Variants in MEOX2 observed in about 807,000 individuals in gnomAD.
The protein encoded by MEOX2 is homeobox protein MOX-2.
A neutral mutation model predicts 27.0 loss-of-function variants in MEOX2; 11 were observed. The ratio of observed to expected loss-of-function variants is 0.41; its 90% CI spans 0.26 to 0.68. The LOEUF (loss-of-function observed/expected upper bound fraction) is 0.68. Ranked by LOEUF, MEOX2 falls within the 30% of genes least tolerant of loss-of-function variation. The pLI is 0.33. For synonymous variants in MEOX2, 189 were observed against 155.4 expected (o/e 1.22, Z -1.61); for missense variants, 436 against 385.4 (o/e 1.13, Z -1.10).
At chr7:15,645,693 G>A (rs2115373618) in intron 1 of MEOX2, among the ~76,000 whole-genome samples, 1 of 152,264 alleles carries the variant, frequency 6.6e-6, no homozygotes, top group Admixed American at 6.5e-5. Context: ...CATTTCTCAA[G>A]TGGTATCTTG....
At chr7:15,661,914 A>G (rs1326750724) in intron 1 of MEOX2, among the ~76,000 whole-genome samples, 1 of 152,224 alleles carries the variant, frequency 6.6e-6, no homozygotes, top group Non-Finnish European at 1.5e-5. Flanking sequence ...ACATACTGTA[A>G]AATTGCATTA....
At chr7:15,650,501 G>A (rs560762446) in intron 1 of MEOX2, among the ~76,000 whole-genome samples, 117 of 151,886 alleles carry the variant, frequency 7.7e-4, no homozygotes, top group Non-Finnish European at 1.4e-3. Context: ...TGTTTCATAC[G>A]TGCAAATAAT....
intron 1 of MEOX2, among the ~76,000 whole-genome samples, chr7:15,630,316 C>T (rs1263847515): frequency 2.0e-5 from 3 of 152,034 alleles, no homozygotes; most frequent in Non-Finnish European, 4.4e-5. Flanking sequence ...TAGAACTTCT[C>T]CACATGTGAC....
At chr7:15,620,376 G>C (rs1042126196) in intron 2 of MEOX2, among the ~76,000 whole-genome samples, 6 of 152,244 alleles carry the variant, frequency 3.9e-5, no homozygotes, top group African/African-American at 1.4e-4. Flanking sequence ...TACATTTGTA[G>C]AAATAAAACT....
chr7:15,654,435 C>A (rs1426817142), intron 1 of MEOX2, among the ~76,000 whole-genome samples: 1 of 151,418 alleles, frequency 6.6e-6, no homozygotes, highest in Non-Finnish European at 1.5e-5. Flanking sequence ...ATTGGCTATA[C>A]CTTTCAGTCT....
At chr7:15,636,474 G>C (rs571277177) in intron 1 of MEOX2, among the ~76,000 whole-genome samples, 1 of 152,166 alleles carries the variant, frequency 6.6e-6, no homozygotes, top group African/African-American at 2.4e-5. Context: ...GACTGCGCTA[G>C]TGAAGTTAAA....
intron 1 of MEOX2, among the ~76,000 whole-genome samples, chr7:15,640,280 G>A (rs1781540026): frequency 6.6e-6 from 1 of 151,356 alleles, no homozygotes; most frequent in South Asian, 2.1e-4. Context: ...GTGTGTGTGT[G>A]TTTCTGGCTA....
rs951566021 is a variant in MEOX2 at position 15,669,948 on chromosome 7, G to A, written c.517+15938C>T. ...TGGAAAATCTAGCCTAGTTCCTGGC[G>A]TGTTCCCCATCCTTTCCCAGAAAAA... On this transcript the variant is annotated intron_variant, in intron 1 of 2. Coordinates refer to ENST00000262041, the MANE Select transcript of MEOX2 (RefSeq NM_005924.5). 7.9e-5 allele frequency among the ~76,000 whole-genome samples: 12 copies of A among 152,206 alleles called. No homozygotes were observed. The South Asian group carries it at 1.0e-3, about 13-fold the overall frequency.
intron 1 of MEOX2, among the ~76,000 whole-genome samples, chr7:15,645,794 A>C (rs1172014311): frequency 6.6e-6 from 1 of 152,186 alleles, no homozygotes; most frequent in East Asian, 1.9e-4. Flanking sequence ...AATAGTAAAC[A>C]GAAGGGAAAT....
intron 1 of MEOX2, among the ~76,000 whole-genome samples, chr7:15,675,688 AT>A (rs1782182060): frequency 6.6e-6 from 1 of 152,184 alleles, no homozygotes; most frequent in Non-Finnish European, 1.5e-5. Flanking sequence ...GATTCTAATC[AT>A]CTGTTTAAAT....
intron 1 of MEOX2, among the ~76,000 whole-genome samples, chr7:15,645,174 T>G (rs557982004): frequency 6.6e-6 from 1 of 152,266 alleles, no homozygotes; most frequent in East Asian, 1.9e-4. Context: ...AATATTTTTC[T>G]GATTCATTAA....
At chr7:15,643,846 C>A (rs1243704901) in intron 1 of MEOX2, among the ~76,000 whole-genome samples, 3 of 152,164 alleles carry the variant, frequency 2.0e-5, no homozygotes, top group Non-Finnish European at 4.4e-5. Context: ...GTGCTTGTGT[C>A]CTGGGGCACT....
At chr7:15,613,406 G>A (rs183390005) in intron 2 of MEOX2, among the ~76,000 whole-genome samples, 68 of 146,414 alleles carry the variant, frequency 4.6e-4, no homozygotes, top group African/African-American at 1.7e-3. Context: ...AAAAAAAACA[G>A]CAAACAGACA....
chr7:15,623,019 C>G (rs1781244580), intron 2 of MEOX2, among the ~76,000 whole-genome samples: 1 of 152,178 alleles, frequency 6.6e-6, no homozygotes, highest in Non-Finnish European at 1.5e-5. Flanking sequence ...GACTTCCCAT[C>G]CTCCAGAACT....
At chr7:15,683,829 T>C (rs989195080) in intron 1 of MEOX2, among the ~76,000 whole-genome samples, 1 of 152,192 alleles carries the variant, frequency 6.6e-6, no homozygotes, top group South Asian at 2.1e-4. Context: ...TGACTAATTG[T>C]ACTTTCCACT....
At chr7:15,634,009 T>G (rs2115365687) in intron 1 of MEOX2, among the ~76,000 whole-genome samples, 1 of 152,106 alleles carries the variant, frequency 6.6e-6, no homozygotes, top group East Asian at 1.9e-4. Flanking sequence ...TAAGACATGT[T>G]TACACATATC....
At chr7:15,638,494 A>T (rs765855219) in intron 1 of MEOX2, among the ~76,000 whole-genome samples, 1 of 151,940 alleles carries the variant, frequency 6.6e-6, no homozygotes, top group East Asian at 1.9e-4. Context: ...ACATTTCTAG[A>T]TCTTCTTTAT....
rs139716981 is a variant in MEOX2 at position 15,671,144 on chromosome 7, A to G, written c.517+14742T>C. Among the ~76,000 whole-genome samples the G allele has an allele frequency of 6.4e-3, 981 of 152,296 alleles. 5 individuals are homozygous for G. The highest frequency in any genetic ancestry group is 0.014 in the Middle Eastern group (4 of 294). On this transcript the variant is annotated intron_variant, in intron 1 of 2. Transcript: ENST00000262041. ...TCCAATATAAAAATTTTTAAATGCC[A>G]GCTCCATTCTAGATGAACTTAATCA...
chr7:15,629,974 C>G (rs1781376655), intron 1 of MEOX2, among the ~76,000 whole-genome samples: 1 of 152,022 alleles, frequency 6.6e-6, no homozygotes, highest in South Asian at 2.1e-4. Flanking sequence ...CCTCCCATAT[C>G]CTATGCCAAA....
Sources: gnomAD v4.1 joint callset for allele counts (sites outside exome capture counted in the v4.1 genomes callset) on GRCh38, gnomAD v4.1.1 for gene constraint, MANE v1.5 for transcripts, NCBI Gene and HGNC (gene_info 2026-07-23, HGNC 2026-07-21) for gene names.